The following PIGB variants were observed in gnomAD, a reference collection of about 807,000 sequenced individuals.
PIGB encodes the protein phosphatidylinositol glycan anchor biosynthesis class B.
PIGB carries 58 observed loss-of-function variants against 68.4 expected under a neutral mutation model. That is an observed-to-expected ratio of 0.85 (90% CI 0.69 to 1.06). The LOEUF (loss-of-function observed/expected upper bound fraction) is 1.06, where lower values mean the gene tolerates loss of function less well. Ranked by LOEUF, PIGB falls within the 50% of genes least tolerant of loss-of-function variation. The pLI is 0.00. For synonymous variants in PIGB, 219 were observed against 220.5 expected (o/e 0.99, Z 0.06); for missense variants, 634 against 655.8 (o/e 0.97, Z 0.36).
At chr15:55,331,913 A>G (rs1566950900) in intron 5 of PIGB, among the ~76,000 whole-genome samples, 1 of 152,000 alleles carries the variant, frequency 6.6e-6, no homozygotes, top group Non-Finnish European at 1.5e-5. Context: ...TTCTAATAGT[A>G]TTTTGGGCTA....
intron 5 of PIGB, among the ~76,000 whole-genome samples, chr15:55,333,477 T>G (rs2055465637): frequency 6.6e-6 from 1 of 152,062 alleles, no homozygotes; most frequent in Non-Finnish European, 1.5e-5. Flanking sequence ...TAGCCTGTAA[T>G]CCCAGCACTT....
intron 9 of PIGB, among the ~76,000 whole-genome samples, chr15:55,345,937 A>T (rs759728847): frequency 6.6e-5 from 10 of 152,184 alleles, no homozygotes; most frequent in South Asian, 2.1e-4. Context: ...GTATTTAAAA[A>T]TAGAAACAGT....
chr15:55,338,021 C>T (rs1162280970), intron 6 of PIGB, among the ~76,000 whole-genome samples: 2 of 152,048 alleles, frequency 1.3e-5, no homozygotes, highest in African/African-American at 4.8e-5. Flanking sequence ...GAAGGGTTAC[C>T]TTTGGGTTAC....
At chr15:55,337,653 T>C (rs1028428363) in intron 6 of PIGB, among the ~76,000 whole-genome samples, 3 of 152,170 alleles carry the variant, frequency 2.0e-5, no homozygotes, top group African/African-American at 7.2e-5. Context: ...GACCGCTACC[T>C]TAGGGCCCAC....
intron 6 of PIGB, among the ~76,000 whole-genome samples, chr15:55,335,463 C>T (rs2055513351): frequency 6.6e-6 from 1 of 151,898 alleles, no homozygotes; most frequent in South Asian, 2.1e-4. Flanking sequence ...ATCAGTTTAA[C>T]CAAAAAAAGT....
chr15:55,332,047 G>A lies in PIGB; in HGVS notation c.654-1820G>A, dbSNP rs141952052. Among the ~76,000 whole-genome samples, 240 of 151,096 alleles carry A rather than the reference G, an allele frequency of 1.6e-3. 1 individual carries two copies. The East Asian group carries it at 0.042, about 27-fold the overall frequency. ...GGCTGGAGTACAGTGGCTCCATCTC[G>A]GCCCACTGCAACCTCTGCCTCCTGG... is the stretch of plus-strand genomic sequence containing the variant. On this transcript the variant is annotated intron_variant, in intron 5 of 11. Coordinates refer to ENST00000164305, the MANE Select transcript of PIGB (RefSeq NM_004855.5).
chr15:55,343,057 G>A (rs1468165245), intron 9 of PIGB: 1 of 151,968 alleles, frequency 6.6e-6, no homozygotes, highest in African/African-American at 2.4e-5. Flanking sequence ...CATTGAGTTA[G>A]GCAATGTTTG....
chr15:55,341,978 C>T (rs2055682162), intron 9 of PIGB, among the ~76,000 whole-genome samples, 176 bp downstream of exon 9: 1 of 152,086 alleles, frequency 6.6e-6, no homozygotes. Flanking sequence ...TTTCCTATAT[C>T]CTCTAAAGTG....
chr15:55,330,229 C>G (rs548259562), intron 5 of PIGB, among the ~76,000 whole-genome samples: 1 of 152,158 alleles, frequency 6.6e-6, no homozygotes, highest in African/African-American at 2.4e-5. Flanking sequence ...GGGACAGGCA[C>G]AGCCAGCCTT....
intron 9 of PIGB, among the ~76,000 whole-genome samples, chr15:55,342,516 C>T (rs751678901): frequency 5.9e-5 from 9 of 152,114 alleles, no homozygotes; most frequent in African/African-American, 2.2e-4. Flanking sequence ...CTCAGCCTCC[C>T]GAGTAGCTGG....
At chr15:55,325,045 C>A (rs2055248801) in intron 3 of PIGB, among the ~76,000 whole-genome samples, 1 of 152,130 alleles carries the variant, frequency 6.6e-6, no homozygotes, top group Admixed American at 6.6e-5. Flanking sequence ...TATGAATTAA[C>A]AGCCGGCGCG....
rs1259527021 is a variant in PIGB at position 55,321,225 on chromosome 15, G to A, written c.300-48G>A. The A allele has an allele frequency of 4.1e-5, 59 of 1,452,188 alleles. No homozygotes were observed. The East Asian group carries it at 1.2e-3, about 28-fold the overall frequency. 90.0% of individuals were successfully genotyped at this position (1,452,188 alleles called of 1,614,324 possible). ...CCCATCTTAAAAAAAAAAAAAACAC[G>A]GAAATAGGTTTCAATATTATTGGAC... On this transcript the variant is annotated intron_variant, in intron 2 of 11. Transcript: ENST00000164305.
intron 3 of PIGB, among the ~76,000 whole-genome samples, chr15:55,321,600 A>AATGACT (rs2055164165): frequency 6.6e-6 from 1 of 151,752 alleles, no homozygotes. Flanking sequence ...AGATTTTCAA[A>AATGACT]ATGACTATAT....
intron 4 of PIGB, 62 bp from the exon 5 acceptor site, chr15:55,329,659 AGAT>A (rs2055369921): frequency 8.0e-7 from 1 of 1,246,826 alleles, no homozygotes; most frequent in Admixed American, 2.2e-5. Context: ...GCTATTTAGA[AGAT>A]AATATGTACT....
rs1306764452 is a variant in PIGB, at chr15:55,339,279, G to A, written c.807G>A (p.Leu269=). The A allele has an allele frequency of 1.3e-6, 2 of 1,552,248 alleles. No homozygotes were observed. Among genetic ancestry groups the A allele is most frequent in the East Asian group, 2.4e-5 (1 of 41,812 alleles). Residue 269 remains leucine, a synonymous_variant, in exon 7 of 12, where the codon TTG becomes TTA. Coordinates refer to ENST00000164305, the MANE Select transcript of PIGB (RefSeq NM_004855.5). ...TTTTGTTTTTCAGCTTTGTTACTTT[G>A]AGTTTGTCTCTGATGATTGATCGTA... is the stretch of plus-strand genomic sequence containing the variant. ...HHFLPVGFVT[L]SLSLMIDRIF...
rs377678280 is a variant in PIGB at position 55,340,423 on chromosome 15, T to C, written c.847-189T>C. On this transcript the variant is annotated intron_variant, in intron 7 of 11. Coordinates refer to ENST00000164305, the MANE Select transcript of PIGB (RefSeq NM_004855.5). ...GTGAGCCGAGATCGCGCCACTGCAC[T>C]CCAGCCTGGGCGACAGAGCAAGACT... The C allele has an allele frequency of 2.3e-3, 749 of 327,876 alleles. 9 individuals are homozygous for C. Among genetic ancestry groups the C allele is most frequent in the Non-Finnish European group, 1.3e-3 (249 of 185,772 alleles). The allele number at this position is 327,876 out of a possible 1,614,324, so 20.3% of individuals were successfully genotyped here. A position where few individuals can be genotyped will look rare whatever the true frequency, so the allele number is the denominator to read the frequency against.
intron 9 of PIGB, 144 bp from the exon 10 acceptor site, chr15:55,350,553 CAG>C (rs1220807223): frequency 3.0e-5 from 19 of 639,350 alleles, no homozygotes; most frequent in Non-Finnish European, 5.0e-5. Context: ...GGTGAATGGT[CAG>C]AGATATGACT....
chr15:55,328,109 G>C (rs2055333601), intron 4 of PIGB, among the ~76,000 whole-genome samples: 1 of 152,188 alleles, frequency 6.6e-6, no homozygotes, highest in Non-Finnish European at 1.5e-5. Context: ...TGGTGCAAAA[G>C]TAATTGTCGT....
intron 10 of PIGB, among the ~76,000 whole-genome samples, chr15:55,353,287 CTTT>C (rs1273636923): frequency 0.011 from 1,669 of 152,294 alleles, 14 homozygotes; most frequent in Non-Finnish European, 0.014. Context: ...TAAGTAATGG[CTTT>C]ACTGTGGCAT....
Sources: allele counts gnomAD v4.1 joint callset (sites outside exome capture counted in the v4.1 genomes callset), GRCh38; gene constraint gnomAD v4.1.1; transcripts MANE v1.5; gene names NCBI Gene and HGNC (gene_info 2026-07-23, HGNC 2026-07-21).